MYRIP: variants seen among roughly 807,000 people sequenced by gnomAD.
The protein encoded by MYRIP is rab effector MyRIP.
In MYRIP, 49 loss-of-function variants were observed where a neutral mutation model predicts 98.0. That is an observed-to-expected ratio of 0.50 (90% CI 0.40 to 0.63). MYRIP has a LOEUF of 0.63. MYRIP is among the 30% of genes least tolerant of loss of function. The pLI is 0.00. For synonymous variants in MYRIP, 404 were observed against 409.5 expected (o/e 0.99, Z 0.16); for missense variants, 1,004 against 1,058.2 (o/e 0.95, Z 0.71).
chr3:40,074,054 A>G (rs1948287095), intron 3 of MYRIP, among the ~76,000 whole-genome samples: 1 of 150,732 alleles, frequency 6.6e-6, no homozygotes, highest in Non-Finnish European at 1.5e-5. Context: ...AGACTGAAAT[A>G]TTTCTGCTTG....
chr3:40,127,336 G>A (rs1488059983), intron 3 of MYRIP, among the ~76,000 whole-genome samples: 3 of 152,170 alleles, frequency 2.0e-5, no homozygotes, highest in African/African-American at 4.8e-5. Flanking sequence ...ACCCAGAGAG[G>A]TTAGCGACTT....
chr3:39,984,322 C>A (rs1258689970), intron 2 of MYRIP, among the ~76,000 whole-genome samples: 3 of 152,012 alleles, frequency 2.0e-5, no homozygotes, highest in African/African-American at 7.2e-5. Flanking sequence ...GTGCGCTGCA[C>A]CCACTAACTC....
At chr3:39,958,122 T>G (rs1379832669) in intron 2 of MYRIP, among the ~76,000 whole-genome samples, 2 of 152,184 alleles carry the variant, frequency 1.3e-5, no homozygotes, top group African/African-American at 4.8e-5. Flanking sequence ...ATTTATAGAT[T>G]CAATGCCATC....
chr3:40,014,548 C>T lies in MYRIP; in HGVS notation c.111-29502C>T, dbSNP rs146171866. ...GGACACTTGGACCCACACCAGAGTC[C>T]ACTACTCCCTGGACAGTCATCCCTC... On this transcript the variant is annotated intron_variant, in intron 2 of 16. Coordinates refer to ENST00000302541, the MANE Select transcript of MYRIP (RefSeq NM_015460.4). 9.9e-5 allele frequency among the ~76,000 whole-genome samples: 15 copies of T among 152,252 alleles called. No individual in the cohort carries two copies. The East Asian group carries it at 2.9e-3, about 29-fold the overall frequency.
At chr3:39,950,662 G>C (rs542746159) in intron 2 of MYRIP, among the ~76,000 whole-genome samples, 46 of 152,266 alleles carry the variant, frequency 3.0e-4, no homozygotes, top group African/African-American at 9.4e-4. Flanking sequence ...CAGCGTGATG[G>C]CCTCCGGATT....
At chr3:40,151,554 G>A (rs1325090667) in intron 4 of MYRIP, among the ~76,000 whole-genome samples, 1 of 152,166 alleles carries the variant, frequency 6.6e-6, no homozygotes, top group Non-Finnish European at 1.5e-5. Flanking sequence ...TCTGTCCCTG[G>A]AGGGCATGCC....
intron 13 of MYRIP, 26 bp from the exon 14 acceptor site, chr3:40,250,196 C>A: frequency 6.4e-7 from 1 of 1,552,830 alleles, no homozygotes; most frequent in South Asian, 1.1e-5. Context: ...TTCTCCCTGC[C>A]AATCTTGTCT....
At position 40,074,137 on chromosome 3, in the gene MYRIP, C is replaced by T. The variant is rs371399908; in HGVS notation, c.332+29866C>T. Among the ~76,000 whole-genome samples, 496 of 151,272 alleles carry T rather than the reference C, an allele frequency of 3.3e-3. 2 individuals carry two copies. The highest frequency in any genetic ancestry group is 5.1e-3 in the Non-Finnish European group (349 of 67,922). ...TCACCCAGGTTGGAGTGCAGTGGCGCGATCTCGGCTCACTGCAAGCTCCAC... is the reference window on the plus strand; with the variant it reads ...TCACCCAGGTTGGAGTGCAGTGGCGTGATCTCGGCTCACTGCAAGCTCCAC... On this transcript the variant is annotated intron_variant, in intron 3 of 16. Coordinates refer to ENST00000302541, the MANE Select transcript of MYRIP (RefSeq NM_015460.4).
At chr3:39,833,875 C>T (rs920264413) in intron 1 of MYRIP, among the ~76,000 whole-genome samples, 3 of 151,916 alleles carry the variant, frequency 2.0e-5, no homozygotes, top group African/African-American at 7.2e-5. Context: ...ACAAAAAATT[C>T]GCAATTAGCT....
intron 1 of MYRIP, among the ~76,000 whole-genome samples, chr3:39,878,671 T>G (rs1431684584): frequency 5.3e-5 from 8 of 152,194 alleles, no homozygotes. Flanking sequence ...TTCTAGCTCC[T>G]TATGTCTATG....
At chr3:39,857,775 A>C (rs1942349447) in intron 1 of MYRIP, among the ~76,000 whole-genome samples, 1 of 152,218 alleles carries the variant, frequency 6.6e-6, no homozygotes, top group South Asian at 2.1e-4. Context: ...GCAAAATTAT[A>C]GTTATTATAT....
chr3:39,999,797 C>G (rs924225032), intron 2 of MYRIP, among the ~76,000 whole-genome samples: 2 of 152,030 alleles, frequency 1.3e-5, no homozygotes, highest in African/African-American at 4.8e-5. Flanking sequence ...CAATGATAGA[C>G]TGGATTAAGA....
At chr3:39,836,718 G>A (rs986331586) in intron 1 of MYRIP, among the ~76,000 whole-genome samples, 2 of 152,158 alleles carry the variant, frequency 1.3e-5, no homozygotes, top group African/African-American at 4.8e-5. Context: ...AATGGCAGCC[G>A]CCACCCTGAG....
chr3:39,902,379 C>T (rs1250016781), intron 2 of MYRIP, among the ~76,000 whole-genome samples: 3 of 152,210 alleles, frequency 2.0e-5, no homozygotes, highest in Non-Finnish European at 1.5e-5. Flanking sequence ...CTAAGACCAA[C>T]TTGAAGTTTG....
intron 3 of MYRIP, among the ~76,000 whole-genome samples, chr3:40,084,392 G>T (rs986115732): frequency 5.3e-4 from 68 of 127,286 alleles, no homozygotes; most frequent in African/African-American, 2.0e-3. Flanking sequence ...TATATCGATA[G>T]ATAATACACA....
At chr3:40,034,053 C>T (rs1050715334) in intron 2 of MYRIP, among the ~76,000 whole-genome samples, 3 of 152,074 alleles carry the variant, frequency 2.0e-5, no homozygotes, top group Admixed American at 6.6e-5. Context: ...TTTCCTTACA[C>T]CTTATACAAA....
intron 3 of MYRIP, among the ~76,000 whole-genome samples, chr3:40,047,535 G>T (rs1476895684): frequency 1.3e-5 from 2 of 152,210 alleles, no homozygotes; most frequent in African/African-American, 2.4e-5. Flanking sequence ...CTGGCAGAAA[G>T]GGGATGCTGA....
rs531612807 is a variant in MYRIP, at chr3:40,105,163, A to C, written c.333-45885A>C. On this transcript the variant is annotated intron_variant, in intron 3 of 16. Transcript: ENST00000302541. Reference sequence around the variant, plus strand: ...TCCACCTCATCCTGCCTCCCTTCCCATTCCCATACCTTTCAGTAAAGCCAT... The same window carrying C: ...TCCACCTCATCCTGCCTCCCTTCCCCTTCCCATACCTTTCAGTAAAGCCAT... 2.0e-5 allele frequency among the ~76,000 whole-genome samples: 3 copies of C among 152,254 alleles called. No homozygotes were observed. In the South Asian group the frequency reaches 6.2e-4, roughly 32 times the overall value.
At chr3:40,211,700 C>G (rs1260730428) in intron 11 of MYRIP, among the ~76,000 whole-genome samples, 4 of 152,164 alleles carry the variant, frequency 2.6e-5, no homozygotes, top group Admixed American at 2.6e-4. Context: ...GCTTTATCTC[C>G]CACTGGCTTT....
Sources: gnomAD v4.1 joint callset for allele counts (sites outside exome capture counted in the v4.1 genomes callset) on GRCh38, gnomAD v4.1.1 for gene constraint, MANE v1.5 for transcripts, NCBI Gene and HGNC (gene_info 2026-07-23, HGNC 2026-07-21) for gene names.